ROBO2: variants seen among roughly 807,000 people sequenced by gnomAD.
The protein encoded by ROBO2 is roundabout guidance receptor 2.
ROBO2 carries 53 observed loss-of-function variants against 160.8 expected under a neutral mutation model. The observed-to-expected ratio is 0.33, with a 90% CI of 0.26 to 0.41. ROBO2 has a LOEUF of 0.41. ROBO2 is among the 10% of genes least tolerant of loss of function. The probability of loss-of-function intolerance (pLI) is 1.00; values close to 1 mark genes in which losing one functional copy is unlikely to be tolerated. For missense variants in ROBO2, 1,577 were observed against 1,722.4 expected (o/e 0.92, Z 1.49); for synonymous variants, 664 against 611.7 (o/e 1.09, Z -1.26).
At chr3:76,366,682 C>G (rs1232567209) in intron 2 of ROBO2, among the ~76,000 whole-genome samples, 3 of 151,906 alleles carry the variant, frequency 2.0e-5, no homozygotes, top group Non-Finnish European at 2.9e-5. Flanking sequence ...GTAGAAAGCA[C>G]ATATTATGAA....
chr3:76,313,041 G>A (rs1465229495), intron 2 of ROBO2, among the ~76,000 whole-genome samples: 2 of 152,168 alleles, frequency 1.3e-5, no homozygotes, highest in East Asian at 1.9e-4. Flanking sequence ...AAATTTGCTA[G>A]CTCTGCTGTG....
intron 2 of ROBO2, among the ~76,000 whole-genome samples, chr3:76,651,832 G>A (rs937701943): frequency 6.6e-6 from 1 of 152,026 alleles, no homozygotes; most frequent in Non-Finnish European, 1.5e-5. Flanking sequence ...AAGTGTATTG[G>A]TCCTTGTTCT....
intron 2 of ROBO2, among the ~76,000 whole-genome samples, chr3:75,978,085 A>G (rs1433380409): frequency 6.6e-6 from 1 of 151,592 alleles, no homozygotes; most frequent in African/African-American, 2.4e-5. Context: ...GCTGTATCTG[A>G]AAAAATCAGC....
chr3:76,201,597 C>T (rs17140485), intron 2 of ROBO2, among the ~76,000 whole-genome samples: 11,917 of 152,150 alleles, frequency 0.078, 659 homozygotes, highest in African/African-American at 0.15. Context: ...CCGTTACCCT[C>T]TTCAAAGCTG....
At chr3:77,189,086 A>T (rs6548486) in intron 2 of ROBO2, among the ~76,000 whole-genome samples, 42,017 of 151,552 alleles carry the variant, frequency 0.28, 6,280 homozygotes, top group African/African-American at 0.38. Context: ...AGACACTATT[A>T]AAAAATGACT....
chr3:77,200,308 TATATATA>T (rs1560218782), intron 2 of ROBO2, among the ~76,000 whole-genome samples: 8 of 87,892 alleles, frequency 9.1e-5, no homozygotes, highest in East Asian at 3.2e-4. Flanking sequence ...TATATATATA[TATATATA>T]TATATATTTT....
At chr3:77,040,742 G>A (rs554962123) in exon 1 of ROBO2, 1 of 1,613,574 alleles carries the variant, frequency 6.2e-7, no homozygotes, top group Admixed American at 1.7e-5. Context: ...TTGCTCTCTG[G>A]GATTGGTTTC....
chr3:76,284,043 A>G (rs1242785199), intron 2 of ROBO2, among the ~76,000 whole-genome samples: 1 of 151,962 alleles, frequency 6.6e-6, no homozygotes, highest in East Asian at 1.9e-4. Flanking sequence ...TACCATTCTA[A>G]TTGCAGTGGC....
In ROBO2 at chr3:77,595,188, T is replaced by G; in HGVS notation, c.2726+4T>G. Reference sequence around the variant, plus strand: ...GAGGACTAATGAGCAATGGAAGGTATGCTACGGAGATTGTTTCATTATTAT... The same window carrying G: ...GAGGACTAATGAGCAATGGAAGGTAGGCTACGGAGATTGTTTCATTATTAT... On this transcript the variant is annotated splice_donor_region_variant and intron_variant, in intron 18 of 25. Coordinates refer to ENST00000461745, the Ensembl canonical transcript of ROBO2. The G allele has an allele frequency of 6.2e-7, 1 of 1,605,424 alleles. No homozygotes were observed. Among genetic ancestry groups the G allele is most frequent in the Non-Finnish European group, 8.5e-7 (1 of 1,172,550 alleles).
intron 2 of ROBO2, among the ~76,000 whole-genome samples, chr3:76,119,880 T>TCCTTC (rs112198353): frequency 5.2e-5 from 7 of 133,824 alleles, no homozygotes; most frequent in Middle Eastern, 3.7e-3. Context: ...TTCCTTCCCT[T>TCCTTC]CCTTCCCTTC....
chr3:77,160,620 CAG>C, intron 2 of ROBO2, among the ~76,000 whole-genome samples: 1 of 152,150 alleles, frequency 6.6e-6, no homozygotes, highest in East Asian at 1.9e-4. Flanking sequence ...TAATACATTT[CAG>C]TAACTGTGGC....
intron 2 of ROBO2, among the ~76,000 whole-genome samples, chr3:77,178,179 G>A (rs887154199): frequency 3.3e-5 from 5 of 151,992 alleles, no homozygotes; most frequent in African/African-American, 9.7e-5. Flanking sequence ...CGCGCTACAA[G>A]GTAGGATAGA....
intron 2 of ROBO2, among the ~76,000 whole-genome samples, chr3:76,897,681 T>C (rs1165156214): frequency 6.6e-6 from 1 of 151,646 alleles, no homozygotes; most frequent in African/African-American, 2.4e-5. Context: ...TTTGTTAAAA[T>C]TGAAATTTAT....
At chr3:76,757,368 G>T (rs768947138) in intron 2 of ROBO2, among the ~76,000 whole-genome samples, 8 of 151,706 alleles carry the variant, frequency 5.3e-5, no homozygotes, top group Non-Finnish European at 7.4e-5. Flanking sequence ...GCCTTAGCTG[G>T]AACAAAAAGA....
intron 2 of ROBO2, among the ~76,000 whole-genome samples, chr3:76,162,215 C>G (rs552972472): frequency 6.6e-6 from 1 of 152,268 alleles, no homozygotes; most frequent in East Asian, 1.9e-4. Context: ...AACATACTGT[C>G]CATACAGCAT....
chr3:77,553,813 T>A (rs1410610945), intron 8 of ROBO2, among the ~76,000 whole-genome samples: 1 of 151,906 alleles, frequency 6.6e-6, no homozygotes, highest in Non-Finnish European at 1.5e-5. Flanking sequence ...GGTTGGTTGA[T>A]GAGATTTGAG....
At chr3:76,934,968 T>G (rs1416794722) in intron 2 of ROBO2, among the ~76,000 whole-genome samples, 1 of 151,722 alleles carries the variant, frequency 6.6e-6, no homozygotes, top group South Asian at 2.1e-4. Context: ...AATTTTTTTT[T>G]TTTTAGACCA....
chr3:77,617,502 T>C lies in ROBO2; in HGVS notation c.3294-11T>C, dbSNP rs747111192. The C allele has an allele frequency of 1.5e-5, 25 of 1,613,970 alleles. No individual in the cohort carries two copies. The African/African-American group carries it at 2.8e-4, about 18-fold the overall frequency. On this transcript the variant is annotated splice_polypyrimidine_tract_variant and intron_variant, in intron 21 of 25. Transcript: ENST00000461745. ...TGTGTCAATGTGCATATTTTTCTCA[T>C]TTAATTTCAGCTATGACAGTGATAG...
At chr3:76,012,482 G>C (rs1360200356) in intron 2 of ROBO2, among the ~76,000 whole-genome samples, 2 of 152,088 alleles carry the variant, frequency 1.3e-5, no homozygotes, top group Non-Finnish European at 2.9e-5. Flanking sequence ...TCCTTTTCAA[G>C]TTGGATTTTA....
Sources: allele counts gnomAD v4.1 joint callset (sites outside exome capture counted in the v4.1 genomes callset), GRCh38; gene constraint gnomAD v4.1.1; transcripts MANE v1.5; gene names NCBI Gene and HGNC (gene_info 2026-07-23, HGNC 2026-07-21).